SLC25A26: variants seen among roughly 807,000 people sequenced by gnomAD.
SLC25A26 encodes mitochondrial S-adenosylmethionine carrier protein.
SLC25A26 carries 36 observed loss-of-function variants against 37.8 expected under a neutral mutation model. That is an observed-to-expected ratio of 0.95 (90% CI 0.73 to 1.26). SLC25A26 has a LOEUF of 1.26. Ranked by LOEUF, SLC25A26 falls within the 50% of genes most tolerant of loss-of-function variation. The pLI is 0.00. For synonymous variants in SLC25A26, 129 were observed against 122.5 expected (o/e 1.05, Z -0.35); for missense variants, 390 against 331.1 (o/e 1.18, Z -1.38).
chr3:66,281,218 A>G (rs2074325132), intron 5 of SLC25A26, among the ~76,000 whole-genome samples: 2 of 152,276 alleles, frequency 1.3e-5, no homozygotes, highest in African/African-American at 2.4e-5. Context: ...GGTGTTTCTC[A>G]TTGAGTTATA....
intron 1 of SLC25A26, among the ~76,000 whole-genome samples, chr3:66,155,299 C>A (rs192940450): frequency 6.6e-6 from 1 of 152,130 alleles, no homozygotes; most frequent in South Asian, 2.1e-4. Flanking sequence ...CACTTGAGCC[C>A]GGGAGTTCGA....
chr3:66,137,384 G>A (rs1475666607), intron 1 of SLC25A26, among the ~76,000 whole-genome samples: 1 of 151,906 alleles, frequency 6.6e-6, no homozygotes, highest in Non-Finnish European at 1.5e-5. Context: ...CTGCCACCAG[G>A]CCTGGGTAAT....
intron 5 of SLC25A26, among the ~76,000 whole-genome samples, chr3:66,345,885 C>G (rs2076310715): frequency 6.6e-6 from 1 of 152,224 alleles, no homozygotes; most frequent in South Asian, 2.1e-4. Flanking sequence ...CATTTTATGT[C>G]CCTTGGGCTC....
At chr3:66,241,367 C>T (rs1347119738) in intron 2 of SLC25A26, among the ~76,000 whole-genome samples, 3 of 152,182 alleles carry the variant, frequency 2.0e-5, no homozygotes, top group Admixed American at 6.5e-5. Context: ...CACAAAGTCC[C>T]TATCTTTTGG....
chr3:66,295,252 C>T (rs2074857742), intron 5 of SLC25A26, among the ~76,000 whole-genome samples: 1 of 152,050 alleles, frequency 6.6e-6, no homozygotes, highest in African/African-American at 2.4e-5. Flanking sequence ...GAGACGGAGT[C>T]CCGCACTTTT....
rs543894201 is a variant in SLC25A26 at position 66,283,828 on chromosome 3, C to G, written c.453+20449C>G. Among the ~76,000 whole-genome samples, 45 of 152,304 alleles carry G rather than the reference C, an allele frequency of 3.0e-4. No homozygotes were observed. In the South Asian group the frequency reaches 9.1e-3, roughly 31 times the overall value. On this transcript the variant is annotated intron_variant, in intron 5 of 9. Transcript: ENST00000354883. ...TGAGAGAGAAACTTTCTATAAGACT[C>G]TAAGTTTAGAATATTGAGACTTCTA...
chr3:66,202,611 C>T (rs1020175324), intron 1 of SLC25A26, among the ~76,000 whole-genome samples: 8 of 151,594 alleles, frequency 5.3e-5, no homozygotes, highest in African/African-American at 1.9e-4. Flanking sequence ...AAGCTTGCTT[C>T]GTTGTAAGAA....
chr3:66,310,196 A>G (rs9682538), intron 5 of SLC25A26, among the ~76,000 whole-genome samples: 1 of 152,184 alleles, frequency 6.6e-6, no homozygotes, highest in Non-Finnish European at 1.5e-5. Context: ...TATTGGGTGC[A>G]TATATATTTA....
intron 5 of SLC25A26, among the ~76,000 whole-genome samples, chr3:66,269,658 G>A (rs1414202724): frequency 3.3e-5 from 5 of 152,078 alleles, no homozygotes; most frequent in Admixed American, 2.6e-4. Flanking sequence ...CAGAACTTCT[G>A]TTGCATCTTT....
intron 9 of SLC25A26, among the ~76,000 whole-genome samples, chr3:66,375,837 G>C (rs1700615110): frequency 6.6e-6 from 1 of 151,798 alleles, no homozygotes; most frequent in Non-Finnish European, 1.5e-5. Context: ...TTAACTTTCA[G>C]GTTTTATTAA....
intron 1 of SLC25A26, among the ~76,000 whole-genome samples, chr3:66,209,400 T>C (rs2071242789): frequency 7.1e-6 from 1 of 140,856 alleles, no homozygotes; most frequent in African/African-American, 2.5e-5. Flanking sequence ...TATATGTATG[T>C]ATATGTGTAT....
chr3:66,226,925 C>G (rs2071782596), intron 1 of SLC25A26, among the ~76,000 whole-genome samples: 1 of 152,054 alleles, frequency 6.6e-6, no homozygotes, highest in Non-Finnish European at 1.5e-5. Context: ...ATTTAGTACA[C>G]TGTAATTAAA....
intron 6 of SLC25A26, among the ~76,000 whole-genome samples, chr3:66,361,184 A>G (rs2076699468): frequency 6.6e-6 from 1 of 152,252 alleles, no homozygotes. Flanking sequence ...CTGAATATCC[A>G]TATGTGAAAA....
chr3:66,133,757 G>A (rs1449651533), exon 1 of SLC25A26: 2 of 152,176 alleles, frequency 1.3e-5, no homozygotes, highest in Non-Finnish European at 2.9e-5. Context: ...AAATGGTAGC[G>A]GGATCTGAGA....
At chr3:66,236,770 ACC>A in intron 2 of SLC25A26, 70 bp downstream of exon 2, 2 of 1,188,002 alleles carry the variant, frequency 1.7e-6, no homozygotes, top group Non-Finnish European at 2.3e-6. Context: ...GTGTGGTCTT[ACC>A]CCCATAGAAT....
In SLC25A26 at chr3:66,236,630, T is replaced by G. The variant is rs1446943436; in HGVS notation, c.120T>G (p.Phe40Leu). 6.5e-7 allele frequency: 1 copy of G among 1,530,674 alleles called. No homozygotes were observed. The highest frequency in any genetic ancestry group is 1.2e-5 in the South Asian group (1 of 83,256). The allele number at this position is 1,530,674 out of a possible 1,614,324, so 94.8% of individuals were successfully genotyped here. A position where few individuals can be genotyped will look rare whatever the true frequency, so the allele number is the denominator to read the frequency against. Residue 40 changes from phenylalanine to leucine, a missense_variant, in exon 2 of 10, where the codon TTT (phenylalanine) becomes TTG (leucine). Coordinates refer to ENST00000354883, the MANE Select transcript of SLC25A26 (RefSeq NM_001379210.1). ...IKTRLQSPQG[F>L]SKAGGFHGIY... is the part of the protein sequence containing the mutation. ...CCAGGCTGCAGAGTCCCCAAGGATT[T>G]AGTAAGGCTGGTGGTTTTCATGGAA...
At chr3:66,300,251 G>GGTTTTTTTT (rs1553688691) in intron 5 of SLC25A26, among the ~76,000 whole-genome samples, 11 of 111,610 alleles carry the variant, frequency 9.9e-5, no homozygotes, top group South Asian at 2.9e-4. Context: ...GGGTTTTTTT[G>GGTTTTTTTT]TTTTGTTTTT....
At chr3:66,353,694 T>A (rs2076512006) in intron 6 of SLC25A26, among the ~76,000 whole-genome samples, 1 of 152,192 alleles carries the variant, frequency 6.6e-6, no homozygotes, top group Admixed American at 6.5e-5. Flanking sequence ...AGACCACCTC[T>A]CCCCAGTATC....
chr3:66,349,161 A>G (rs1559726498), intron 6 of SLC25A26, among the ~76,000 whole-genome samples: 1 of 152,244 alleles, frequency 6.6e-6, no homozygotes, highest in Admixed American at 6.5e-5. Context: ...TTTTCAGAGT[A>G]ATCATAGATG....
Sources: gnomAD v4.1 joint callset for allele counts (sites outside exome capture counted in the v4.1 genomes callset) on GRCh38, gnomAD v4.1.1 for gene constraint, MANE v1.5 for transcripts, NCBI Gene and HGNC (gene_info 2026-07-23, HGNC 2026-07-21) for gene names.